GNE: variants seen among roughly 807,000 people sequenced by gnomAD.
GNE encodes glucosamine (UDP-N-acetyl)-2-epimerase/N-acetylmannosamine kinase, also known as bifunctional UDP-N-acetylglucosamine 2-epimerase/N-acetylmannosamine kinase.
GNE carries 41 observed loss-of-function variants against 61.8 expected under a neutral mutation model. The ratio of observed to expected loss-of-function variants is 0.66; its 90% CI spans 0.52 to 0.86. The LOEUF is 0.86. Ranked by LOEUF, GNE falls within the 40% of genes least tolerant of loss-of-function variation. The pLI, the probability that GNE is intolerant of heterozygous loss-of-function variation, is 0.00. For synonymous variants in GNE, 264 were observed against 326.4 expected, an observed-to-expected ratio of 0.81 and a Z score of 2.06; for missense variants, 608 against 909.1, an observed-to-expected ratio of 0.67 and a Z score of 4.26.
chr9:36,219,806 G>C, intron 10 of GNE, 32 bp downstream of exon 10: 1 of 1,587,776 alleles, frequency 6.3e-7, no homozygotes, highest in Non-Finnish European at 8.7e-7. Flanking sequence ...CTACTATTTG[G>C]TTACTTAATT....
intron 9 of GNE, among the ~76,000 whole-genome samples, chr9:36,221,171 A>G (rs1299114457): frequency 6.6e-6 from 1 of 152,036 alleles, no homozygotes; most frequent in African/African-American, 2.4e-5. Context: ...AAATACAGAA[A>G]TTAGCCGGGT....
In GNE at chr9:36,229,043, G is replaced by A. The variant is rs1276168825; in HGVS notation, c.1048C>T (p.Gln350Ter). 1 of 1,605,794 alleles carries A rather than the reference G, an allele frequency of 6.2e-7. No homozygotes were observed. Among genetic ancestry groups the A allele is most frequent in the Admixed American group, 1.7e-5 (1 of 59,994 alleles). Residue 350 changes from glutamine (Q) to a stop codon, truncating the protein, a stop_gained, in exon 6 of 12, where the codon CAG becomes TAG. Transcript: ENST00000642385. LOFTEE classifies it high-confidence loss of function. ...QDKILQALHLQFGKQYPCSKI... is the reference protein window; with the variant it reads ...QDKILQALHL Reference sequence around the variant, plus strand: ...CACCAAGGGTACTGTTTACCAAACTGAAGGTGCAGTGCTTGCAATATTTTG... The same window carrying A: ...CACCAAGGGTACTGTTTACCAAACTAAAGGTGCAGTGCTTGCAATATTTTG...
chr9:36,227,965 G>A (rs1408050036), intron 6 of GNE, among the ~76,000 whole-genome samples: 2 of 150,206 alleles, frequency 1.3e-5, no homozygotes, highest in East Asian at 1.9e-4. Context: ...CCCGGGAAGC[G>A]GAGGTTGCAG....
rs1828903447 is a variant in GNE, at chr9:36,227,138, T to C, written c.1281+110A>G. 3 of 735,198 alleles carry C rather than the reference T, an allele frequency of 4.1e-6. No individual in the cohort carries two copies. The South Asian group carries it at 4.5e-5, about 11-fold the overall frequency. 45.5% of individuals were successfully genotyped at this position (735,198 alleles called of 1,614,324 possible). A position where few individuals can be genotyped will look rare whatever the true frequency, so the allele number is the denominator to read the frequency against. On this transcript the variant is annotated intron_variant, in intron 7 of 11. Transcript: ENST00000642385. Reference sequence around the variant, plus strand: ...ACAAGTCAATACTATCAGCAAATGATTACAAGCTCTTGTGTATGTTTCTAG... The same window carrying C: ...ACAAGTCAATACTATCAGCAAATGACTACAAGCTCTTGTGTATGTTTCTAG...
chr9:36,267,885 C>T (rs1403680270), intron 1 of GNE: 1 of 152,110 alleles, frequency 6.6e-6, no homozygotes, highest in Non-Finnish European at 1.5e-5. Flanking sequence ...TGCAGTGGCT[C>T]ATGCCTGTCT....
At chr9:36,275,349 G>A (rs1831221989) in intron 1 of GNE, among the ~76,000 whole-genome samples, 1 of 152,154 alleles carries the variant, frequency 6.6e-6, no homozygotes, top group African/African-American at 2.4e-5. Flanking sequence ...CTGGAAGAGA[G>A]AACATGATGT....
rs1032263691 is a variant in GNE, at chr9:36,214,883, G to C, written c.*2482C>G. 2.0e-5 allele frequency: 3 copies of C among 152,136 alleles called. No homozygotes were observed. The highest frequency in any genetic ancestry group is 2.0e-4 in the Admixed American group (3 of 15,274). 9.4% of individuals were successfully genotyped at this position (152,136 alleles called of 1,614,324 possible). ...AACTCTTTTTCACACTAACCCACTA[G>C]GAAGGATATAGTTCAAATGTAATGT... is the stretch of plus-strand genomic sequence containing the variant. On this transcript the variant is annotated 3_prime_UTR_variant, in exon 12 of 12. Coordinates refer to ENST00000642385, the MANE Select transcript of GNE (RefSeq NM_005476.7).
At chr9:36,264,195 C>T (rs1360432461) in intron 1 of GNE, among the ~76,000 whole-genome samples, 5 of 151,960 alleles carry the variant, frequency 3.3e-5, no homozygotes, top group East Asian at 1.9e-4. Context: ...TGCAGTGGTG[C>T]TATCTTGGCT....
chr9:36,232,345 C>CCCA (rs1554660756), intron 5 of GNE, among the ~76,000 whole-genome samples: 12 of 126,382 alleles, frequency 9.5e-5, no homozygotes, highest in South Asian at 2.8e-4. Context: ...CGCCCCCCCT[C>CCCA]CCGACATTCC....
chr9:36,243,609 G>A (rs1159728323), intron 3 of GNE, among the ~76,000 whole-genome samples: 1 of 152,162 alleles, frequency 6.6e-6, no homozygotes, highest in African/African-American at 2.4e-5. Flanking sequence ...TTGGGAGGCC[G>A]AGGCAGGAGG....
At chr9:36,265,374 G>T (rs557581354) in intron 1 of GNE, 4 of 454,874 alleles carry the variant, frequency 8.8e-6, no homozygotes, top group African/African-American at 6.0e-5. Context: ...AGCTCTGGGA[G>T]CAAGGACCCC....
At chr9:36,247,512 C>T (rs1034743141) in intron 2 of GNE, among the ~76,000 whole-genome samples, 9 of 152,228 alleles carry the variant, frequency 5.9e-5, no homozygotes, top group East Asian at 1.9e-4. Context: ...TCCTATTTAA[C>T]GGTCTCATCA....
chr9:36,214,798 T>C lies in GNE; in HGVS notation c.*2567A>G, dbSNP rs1188241141. On this transcript the variant is annotated 3_prime_UTR_variant, in exon 12 of 12. Coordinates refer to ENST00000642385, the MANE Select transcript of GNE (RefSeq NM_005476.7). ...TTCCCAGGAATCACCATGGAATGTCTGAACAATAACCAGGCCCTGGAGATT... is the reference window on the plus strand; with the variant it reads ...TTCCCAGGAATCACCATGGAATGTCCGAACAATAACCAGGCCCTGGAGATT... 1 of 152,210 alleles carries C rather than the reference T, an allele frequency of 6.6e-6. No homozygotes were observed. The highest frequency in any genetic ancestry group is 1.5e-5 in the Non-Finnish European group (1 of 68,038). The allele number at this position is 152,210 out of a possible 1,614,324, so 9.4% of individuals were successfully genotyped here. A position where few individuals can be genotyped will look rare whatever the true frequency, so the allele number is the denominator to read the frequency against.
intron 1 of GNE, among the ~76,000 whole-genome samples, chr9:36,273,692 CTG>C (rs896765534): frequency 6.8e-6 from 1 of 146,796 alleles, no homozygotes; most frequent in Non-Finnish European, 1.5e-5. Context: ...GAGTCTCACT[CTG>C]TTGCCCAGGC....
chr9:36,229,819 C>T (rs1350953083), intron 5 of GNE, among the ~76,000 whole-genome samples: 1 of 152,046 alleles, frequency 6.6e-6, no homozygotes, highest in African/African-American at 2.4e-5. Flanking sequence ...ACACCCACAC[C>T]CATGCCCACA....
At chr9:36,233,710 C>A (rs989091476) in intron 5 of GNE, 1 of 626,952 alleles carries the variant, frequency 1.6e-6, no homozygotes, top group South Asian at 1.8e-5. Context: ...ATTGATATTA[C>A]AAAGACAATA....
intron 1 of GNE, among the ~76,000 whole-genome samples, chr9:36,275,356 A>G (rs778359694): frequency 6.6e-6 from 1 of 152,210 alleles, no homozygotes; most frequent in Non-Finnish European, 1.5e-5. Context: ...AGAGAACATG[A>G]TGTGATTGAA....
At chr9:36,228,945 A>G in intron 6 of GNE, 76 bp downstream of exon 6, 1 of 878,740 alleles carries the variant, frequency 1.1e-6, no homozygotes, top group Non-Finnish European at 2.0e-6. Flanking sequence ...ATGATTAAAC[A>G]GTGATTGTAG....
intron 1 of GNE, among the ~76,000 whole-genome samples, chr9:36,264,656 G>A (rs994473743): frequency 2.0e-5 from 3 of 152,192 alleles, no homozygotes; most frequent in South Asian, 2.1e-4. Flanking sequence ...TTCCTAGGCC[G>A]ACTAAGAATC....
Sources: gnomAD v4.1 joint callset for allele counts (sites outside exome capture counted in the v4.1 genomes callset) on GRCh38, gnomAD v4.1.1 for gene constraint, MANE v1.5 for transcripts, NCBI Gene and HGNC (gene_info 2026-07-23, HGNC 2026-07-21) for gene names.